NLGN4X: variants seen among roughly 807,000 people sequenced by gnomAD.
NLGN4X encodes the protein neuroligin-4, X-linked.
Under a neutral mutation model 40.3 loss-of-function variants are expected in NLGN4X, and 3 were observed. That is an observed-to-expected ratio of 0.07 (90% CI 0.03 to 0.19). The LOEUF (loss-of-function observed/expected upper bound fraction) is 0.19. NLGN4X is among the 10% of genes least tolerant of loss of function. The pLI is 1.00. For missense variants in NLGN4X, 382 were observed against 708.3 expected (o/e 0.54, Z 5.23); for synonymous variants, 270 against 306.8 (o/e 0.88, Z 1.25).
chrX:6,142,201 A>G (rs1245122660), intron 2 of NLGN4X, among the ~76,000 whole-genome samples: 1 of 112,563 alleles, frequency 8.9e-6, no homozygotes, highest in African/African-American at 3.2e-5. Context: ...ATAAGGGAAA[A>G]TGTTCTTTGT....
In NLGN4X at chrX:5,922,272, T is replaced by C. The variant is rs2033100298; in HGVS notation, c.626-13033A>G. ...GGGAAACAGGAGAAATAGGTTCTCG[T>C]GTTCCATAGCACTGCAGGGTGACTG... is the stretch of plus-strand genomic sequence containing the variant. On this transcript the variant is annotated intron_variant, in intron 3 of 5. Transcript: ENST00000381095. Among the ~76,000 whole-genome samples the C allele has an allele frequency of 2.7e-5, 3 of 111,285 alleles. No homozygotes were observed. The South Asian group carries it at 1.1e-3, about 43-fold the overall frequency.
intron 1 of NLGN4X, among the ~76,000 whole-genome samples, chrX:6,161,686 T>A (rs771017143): frequency 6.2e-4 from 68 of 108,952 alleles, no homozygotes; most frequent in Non-Finnish European, 1.1e-3. Context: ...TGGTTGGCTA[T>A]TTGCAGAAAT....
chrX:6,095,492 C>T (rs1025327070), intron 2 of NLGN4X, among the ~76,000 whole-genome samples: 10 of 111,984 alleles, frequency 8.9e-5, no homozygotes, highest in African/African-American at 2.9e-4. Context: ...TAAACTGTTG[C>T]TTCTTGGCTT....
At chrX:5,968,639 G>A (rs768627703) in intron 3 of NLGN4X, among the ~76,000 whole-genome samples, 1 of 106,460 alleles carries the variant, frequency 9.4e-6, no homozygotes, top group East Asian at 3.0e-4. Context: ...AATCATCCAC[G>A]AAAGAGCAGT....
chrX:5,925,893 T>TATATATATACATACAC (rs1569134545), intron 3 of NLGN4X, among the ~76,000 whole-genome samples: 24 of 14,144 alleles, frequency 1.7e-3, no homozygotes, highest in African/African-American at 0.016. Flanking sequence ...TATATATATA[T>TATATATATACATACAC]ATATATATAT....
chrX:5,929,887 G>C (rs185604182), intron 3 of NLGN4X, among the ~76,000 whole-genome samples: 1 of 112,468 alleles, frequency 8.9e-6, no homozygotes, highest in Non-Finnish European at 1.9e-5. Context: ...ACAGTCATTG[G>C]AAAGTATGAT....
At chrX:5,937,830 C>G (rs917685923) in intron 3 of NLGN4X, among the ~76,000 whole-genome samples, 2 of 111,898 alleles carry the variant, frequency 1.8e-5, no homozygotes, top group African/African-American at 6.5e-5. Context: ...ACCCTGAAGT[C>G]TGTACAAACA....
intron 2 of NLGN4X, among the ~76,000 whole-genome samples, chrX:6,064,254 C>T (rs774488145): frequency 1.2e-3 from 131 of 111,034 alleles, no homozygotes; most frequent in African/African-American, 4.2e-3. Flanking sequence ...TTCTCATTAT[C>T]GACTCTACAT....
intron 2 of NLGN4X, among the ~76,000 whole-genome samples, chrX:6,072,801 C>G (rs372054770): frequency 9.0e-6 from 1 of 111,162 alleles, no homozygotes; most frequent in East Asian, 2.9e-4. Context: ...AAGCACCTAA[C>G]TAGAATCTCC....
chrX:6,014,137 G>A (rs767766062), intron 3 of NLGN4X, among the ~76,000 whole-genome samples: 28 of 107,885 alleles, frequency 2.6e-4, no homozygotes, highest in African/African-American at 8.8e-4. Context: ...AGCTGAGATC[G>A]CGCCATTGCA....
rs1601857259 is a variant in NLGN4X, at chrX:5,903,586, G to A, written c.1092C>T (p.Asn364=). 3.0e-5 allele frequency: 36 copies of A among 1,209,006 alleles called. No homozygotes were observed. Among genetic ancestry groups the A allele is most frequent in the African/African-American group, 1.6e-4 (9 of 56,817 alleles). ...GGTTGACGCCCAGCATGATGTCGTA[G>A]TTGAGGAACTCGCCTTGCTCCATCA... ...QILMEQGEFL[N]YDIMLGVNQG... is the part of the protein sequence containing the mutation. Residue 364 remains asparagine (N), a synonymous_variant, in exon 5 of 6, where the codon AAC becomes AAT. Coordinates refer to ENST00000381095, the MANE Select transcript of NLGN4X (RefSeq NM_181332.3).
At chrX:5,955,186 C>G (rs556448538) in intron 3 of NLGN4X, among the ~76,000 whole-genome samples, 20 of 111,634 alleles carry the variant, frequency 1.8e-4, no homozygotes, top group African/African-American at 4.9e-4. Flanking sequence ...CAAAAATATC[C>G]GGATGGTGGA....
chrX:5,991,053 T>C lies in NLGN4X; in HGVS notation c.625+38227A>G, dbSNP rs770273277. On this transcript the variant is annotated intron_variant, in intron 3 of 5. Transcript: ENST00000381095. ...TTTGGATTGCAGAATGGTTTCCCTATCCCTGAAACAACAAGTCTAAGATGG... is the reference window on the plus strand; with the variant it reads ...TTTGGATTGCAGAATGGTTTCCCTACCCCTGAAACAACAAGTCTAAGATGG... Among the ~76,000 whole-genome samples, 6 of 111,460 alleles carry C rather than the reference T, an allele frequency of 5.4e-5. No homozygotes were observed. In the South Asian group the frequency reaches 2.3e-3, roughly 42 times the overall value.
chrX:6,055,278 T>C (rs1418346793), intron 2 of NLGN4X, among the ~76,000 whole-genome samples: 2 of 112,039 alleles, frequency 1.8e-5, no homozygotes, highest in Non-Finnish European at 3.8e-5. Flanking sequence ...GAGGATCATT[T>C]GAGGCCAGGA....
chrX:5,991,270 G>T, intron 3 of NLGN4X: 1 of 280,972 alleles, frequency 3.6e-6, no homozygotes, highest in East Asian at 5.5e-5. Flanking sequence ...TCCCCCAAAG[G>T]AACAATATCC....
chrX:5,983,659 C>T (rs1426109051), intron 3 of NLGN4X, among the ~76,000 whole-genome samples: 1 of 111,671 alleles, frequency 9.0e-6, no homozygotes, highest in African/African-American at 3.3e-5. Flanking sequence ...GCTGGGAAAC[C>T]GGGTGCAGTG....
intron 3 of NLGN4X, among the ~76,000 whole-genome samples, chrX:5,920,693 G>T (rs1366244408): frequency 9.0e-6 from 1 of 111,587 alleles, no homozygotes; most frequent in Non-Finnish European, 1.9e-5. Flanking sequence ...AGTGTCAGTT[G>T]TAACCAAGTT....
intron 2 of NLGN4X, among the ~76,000 whole-genome samples, chrX:6,145,088 T>C (rs753492173): frequency 1.8e-5 from 2 of 111,583 alleles, no homozygotes; most frequent in African/African-American, 3.3e-5. Context: ...TGAAGTGAAG[T>C]AGTGCCTGCT....
At chrX:6,021,580 C>T (rs780345204) in intron 3 of NLGN4X, among the ~76,000 whole-genome samples, 1 of 107,381 alleles carries the variant, frequency 9.3e-6, no homozygotes, top group African/African-American at 3.4e-5. Flanking sequence ...AAAACATGAT[C>T]CTGGTTTTGT....
Sources: allele counts gnomAD v4.1 joint callset (sites outside exome capture counted in the v4.1 genomes callset), GRCh38; gene constraint gnomAD v4.1.1; transcripts MANE v1.5; gene names NCBI Gene and HGNC (gene_info 2026-07-23, HGNC 2026-07-21).